The following GLRB variants were observed in gnomAD, a reference collection of about 807,000 sequenced individuals.
GLRB encodes glycine receptor beta.
In GLRB, 33 loss-of-function variants were observed where a neutral mutation model predicts 54.2. The observed-to-expected ratio is 0.61, with a 90% CI of 0.46 to 0.81. The LOEUF is 0.81. GLRB is among the 40% of genes least tolerant of loss of function. The pLI is 0.00. For synonymous variants in GLRB, 209 were observed against 208.2 expected, an observed-to-expected ratio of 1.00 and a Z score of -0.03; for missense variants, 572 against 584.6, an observed-to-expected ratio of 0.98 and a Z score of 0.22.
Position 157,122,414 on chromosome 4 carries a change from T to C in GLRB, c.297+17T>C. On this transcript the variant is annotated intron_variant, in intron 4 of 9. Transcript: ENST00000264428. Reference sequence around the variant, plus strand: ...ACAACAATGGTAAGATTGCAATTAATTTAATATTTTGTCAAATATTTCAAT... The same window carrying C: ...ACAACAATGGTAAGATTGCAATTAACTTAATATTTTGTCAAATATTTCAAT... The C allele has an allele frequency of 2.1e-6, 2 of 958,884 alleles. No homozygotes were observed. The highest frequency in any genetic ancestry group is 3.3e-6 in the Non-Finnish European group (2 of 605,142). 59.4% of individuals were successfully genotyped at this position (958,884 alleles called of 1,614,324 possible). A position where few individuals can be genotyped will look rare whatever the true frequency, so the allele number is the denominator to read the frequency against.
chr4:157,093,466 C>A lies in GLRB; in HGVS notation c.122+15320C>A, dbSNP rs1390780741. On this transcript the variant is annotated intron_variant, in intron 2 of 9. Transcript: ENST00000264428. The stretch of plus-strand genomic sequence containing the variant: ...TATAAAATATATAGTTCTGGCCAGG[C>A]GCAGTGACTCACACCTGTAATCCCA... Among the ~76,000 whole-genome samples, 3 of 152,022 alleles carry A rather than the reference C, an allele frequency of 2.0e-5. No individual in the cohort carries two copies. In the East Asian group the frequency reaches 5.8e-4, roughly 29 times the overall value.
intron 2 of GLRB, among the ~76,000 whole-genome samples, chr4:157,099,987 A>C (rs1201541900): frequency 6.6e-6 from 1 of 152,184 alleles, no homozygotes; most frequent in Non-Finnish European, 1.5e-5. Flanking sequence ...ACTTTAAAAA[A>C]TGTTGATTTT....
intron 2 of GLRB, among the ~76,000 whole-genome samples, chr4:157,106,985 T>C (rs756296908): frequency 6.6e-6 from 1 of 152,114 alleles, no homozygotes; most frequent in Non-Finnish European, 1.5e-5. Flanking sequence ...CTCTGTGTCA[T>C]GTTTTGGTAA....
Position 157,120,538 on chromosome 4 carries a change from T to A in GLRB, c.123-18T>A. ...TGCTATTTATAACTACTTATCAGGA[T>A]TTTTCTCTCTCTTATAGTCAGCAGT... is the stretch of plus-strand genomic sequence containing the variant. On this transcript the variant is annotated intron_variant, in intron 2 of 9. Coordinates refer to ENST00000264428, the MANE Select transcript of GLRB (RefSeq NM_000824.5). The A allele has an allele frequency of 7.2e-7, 1 of 1,382,566 alleles. No homozygotes were observed. Among genetic ancestry groups the A allele is most frequent in the Non-Finnish European group, 1.0e-6 (1 of 972,820 alleles). 85.6% of individuals were successfully genotyped at this position (1,382,566 alleles called of 1,614,324 possible).
intron 2 of GLRB, among the ~76,000 whole-genome samples, chr4:157,089,494 G>A (rs1387093362): frequency 2.0e-5 from 3 of 152,096 alleles, no homozygotes; most frequent in African/African-American, 7.2e-5. Flanking sequence ...CTCAGTAAGG[G>A]CTAGCTATCT....
intron 9 of GLRB, among the ~76,000 whole-genome samples, chr4:157,159,023 G>A (rs538479898): frequency 6.6e-6 from 1 of 152,136 alleles, no homozygotes; most frequent in East Asian, 1.9e-4. Context: ...GTAGTTCGTA[G>A]TTCTCCTTGA....
intron 2 of GLRB, among the ~76,000 whole-genome samples, chr4:157,085,403 G>A (rs373946827): frequency 9.6e-4 from 146 of 152,116 alleles, no homozygotes; most frequent in African/African-American, 3.3e-3. Context: ...ACCATGCCCA[G>A]CCACCATTAT....
intron 7 of GLRB, 40 bp from the exon 8 acceptor site, chr4:157,143,767 G>T: frequency 6.3e-7 from 1 of 1,590,990 alleles, no homozygotes; most frequent in Non-Finnish European, 8.6e-7. Flanking sequence ...ATTCTGTGTG[G>T]GTGAAAACCT....
intron 9 of GLRB, among the ~76,000 whole-genome samples, chr4:157,159,268 C>T (rs1326644778): frequency 6.6e-6 from 1 of 152,162 alleles, no homozygotes; most frequent in Non-Finnish European, 1.5e-5. Flanking sequence ...ACAATCATGT[C>T]ATCTGCAAAC....
chr4:157,096,552 C>T (rs1167281381), intron 2 of GLRB, among the ~76,000 whole-genome samples: 1 of 152,308 alleles, frequency 6.6e-6, no homozygotes, highest in East Asian at 1.9e-4. Flanking sequence ...CTTTCAATAT[C>T]CAGATGCCAC....
chr4:157,126,471 A>G (rs2126543306), intron 4 of GLRB, among the ~76,000 whole-genome samples: 1 of 151,908 alleles, frequency 6.6e-6, no homozygotes. Flanking sequence ...TTTGTAAGGT[A>G]TCATTATCAA....
intron 8 of GLRB, among the ~76,000 whole-genome samples, chr4:157,149,909 CTT>C (rs1048432272): frequency 5.9e-5 from 9 of 151,384 alleles, no homozygotes; most frequent in African/African-American, 2.2e-4. Context: ...CAATTTTTCT[CTT>C]TTCACCAATA....
chr4:157,159,624 A>C (rs147912189), intron 9 of GLRB, among the ~76,000 whole-genome samples: 4,717 of 152,134 alleles, frequency 0.031, 242 homozygotes, highest in African/African-American at 0.11. Flanking sequence ...TGTTTATAGG[A>C]TGGGTTACAT....
At chr4:157,099,620 G>A (rs1170154411) in intron 2 of GLRB, among the ~76,000 whole-genome samples, 1 of 152,126 alleles carries the variant, frequency 6.6e-6, no homozygotes, top group East Asian at 1.9e-4. Context: ...ACAGATGTGA[G>A]CCACTTTGCC....
intron 7 of GLRB, among the ~76,000 whole-genome samples, chr4:157,139,251 A>G (rs1046805633): frequency 6.6e-5 from 10 of 152,096 alleles, no homozygotes; most frequent in Non-Finnish European, 1.3e-4. Flanking sequence ...TTGTCAAGAA[A>G]TTCTACTTCT....
chr4:157,162,650 A>C (rs1376529945), intron 9 of GLRB, among the ~76,000 whole-genome samples: 1 of 152,142 alleles, frequency 6.6e-6, no homozygotes, highest in African/African-American at 2.4e-5. Flanking sequence ...GCAGAGCAGC[A>C]AATATTGCAG....
intron 4 of GLRB, among the ~76,000 whole-genome samples, chr4:157,131,024 G>A (rs1228019886): frequency 6.8e-6 from 1 of 147,444 alleles, no homozygotes; most frequent in Admixed American, 6.7e-5. Flanking sequence ...TATAGGCATA[G>A]TCTTGAAGAA....
chr4:157,108,648 A>C (rs1560946733), intron 2 of GLRB, among the ~76,000 whole-genome samples: 1 of 152,126 alleles, frequency 6.6e-6, no homozygotes, highest in Non-Finnish European at 1.5e-5. Flanking sequence ...CTCTACTCAG[A>C]TCTTCTGGTG....
chr4:157,097,567 G>C (rs1017627271), intron 2 of GLRB, among the ~76,000 whole-genome samples: 1 of 152,204 alleles, frequency 6.6e-6, no homozygotes, highest in South Asian at 2.1e-4. Context: ...CTATGTATTA[G>C]GGCACCCAAA....
Sources: gnomAD v4.1 joint callset for allele counts (sites outside exome capture counted in the v4.1 genomes callset) on GRCh38, gnomAD v4.1.1 for gene constraint, MANE v1.5 for transcripts, NCBI Gene and HGNC (gene_info 2026-07-23, HGNC 2026-07-21) for gene names.